The following CHST8 variants were observed in gnomAD, a reference collection of about 807,000 sequenced individuals.
CHST8 encodes the protein GALNAC-4-ST1.
Under a neutral mutation model 15.0 loss-of-function variants are expected in CHST8, and 10 were observed. The ratio of observed to expected loss-of-function variants is 0.67; its 90% CI spans 0.41 to 1.13. The LOEUF (loss-of-function observed/expected upper bound fraction) is 1.13, where lower values mean the gene tolerates loss of function less well. Ranked by LOEUF, CHST8 falls within the 50% of genes most tolerant of loss-of-function variation. The probability of loss-of-function intolerance (pLI) is 0.00; values close to 1 mark genes in which losing one functional copy is unlikely to be tolerated. For synonymous variants in CHST8, 259 were observed against 256.6 expected (o/e 1.01, Z -0.09); for missense variants, 634 against 608.2 (o/e 1.04, Z -0.45).
chr19:33,657,537 G>A (rs957569408), intron 1 of CHST8, among the ~76,000 whole-genome samples: 7 of 151,284 alleles, frequency 4.6e-5, no homozygotes, highest in African/African-American at 1.7e-4. Flanking sequence ...CTCCCAAAAT[G>A]TTGGGATTAC....
intron 2 of CHST8, among the ~76,000 whole-genome samples, chr19:33,682,961 G>A (rs1178192881): frequency 6.6e-6 from 1 of 152,210 alleles, no homozygotes; most frequent in Non-Finnish European, 1.5e-5. Flanking sequence ...AGGGCTTCAG[G>A]AAGCTCACAA....
intron 1 of CHST8, among the ~76,000 whole-genome samples, chr19:33,627,976 G>A (rs1331889186): frequency 1.3e-5 from 2 of 152,120 alleles, no homozygotes; most frequent in Non-Finnish European, 2.9e-5. Context: ...TCTAGGCTGT[G>A]ATAAGGATAT....
chr19:33,757,380 AAAAAAAG>A (rs1302118418), intron 3 of CHST8, among the ~76,000 whole-genome samples: 1 of 112,672 alleles, frequency 8.9e-6, no homozygotes, highest in East Asian at 2.5e-4. Context: ...ACGCGGTCTC[AAAAAAAG>A]AAGAAAGAAA....
chr19:33,672,343 G>A (rs772408364), intron 2 of CHST8, among the ~76,000 whole-genome samples: 5 of 152,020 alleles, frequency 3.3e-5, no homozygotes, highest in South Asian at 2.1e-4. Flanking sequence ...GATTACAGGC[G>A]CACACCACCA....
At chr19:33,709,904 G>A (rs185109287) in intron 3 of CHST8, among the ~76,000 whole-genome samples, 1 of 152,158 alleles carries the variant, frequency 6.6e-6, no homozygotes, top group African/African-American at 2.4e-5. Flanking sequence ...TAACTCCTAG[G>A]CTCAAGAGAA....
chr19:33,636,470 CTT>C (rs1972204087), intron 1 of CHST8, among the ~76,000 whole-genome samples: 1 of 152,142 alleles, frequency 6.6e-6, no homozygotes, highest in Non-Finnish European at 1.5e-5. Flanking sequence ...GTGCCTGAGT[CTT>C]TGTCTCCAGA....
chr19:33,728,541 G>A (rs757472383), intron 3 of CHST8, among the ~76,000 whole-genome samples: 1 of 152,252 alleles, frequency 6.6e-6, no homozygotes, highest in Non-Finnish European at 1.5e-5. Flanking sequence ...AAGTAACCAT[G>A]CCCTGCAGGC....
At chr19:33,692,684 G>A (rs1973120985) in intron 3 of CHST8, among the ~76,000 whole-genome samples, 1 of 152,126 alleles carries the variant, frequency 6.6e-6, no homozygotes, top group Admixed American at 6.5e-5. Context: ...TGGGTGACAG[G>A]GCCGGACTTT....
chr19:33,676,885 G>GA (rs563989466), intron 2 of CHST8, among the ~76,000 whole-genome samples: 15,151 of 127,164 alleles, frequency 0.12, 1,334 homozygotes, highest in African/African-American at 0.27. Flanking sequence ...TCTTAAAAAA[G>GA]AAAAAAAAAA....
intron 1 of CHST8, among the ~76,000 whole-genome samples, chr19:33,651,201 C>T (rs1157621898): frequency 2.0e-5 from 3 of 152,042 alleles, no homozygotes; most frequent in Non-Finnish European, 2.9e-5. Context: ...AAGATTTTCT[C>T]CTTTCTGTTT....
intron 3 of CHST8, among the ~76,000 whole-genome samples, chr19:33,720,525 G>A (rs557730438): frequency 6.4e-4 from 98 of 152,192 alleles, no homozygotes; most frequent in African/African-American, 2.2e-3. Flanking sequence ...ACACACACAC[G>A]GAATGCATGT....
intron 1 of CHST8, among the ~76,000 whole-genome samples, chr19:33,652,536 C>T (rs562980345): frequency 1.2e-4 from 18 of 151,924 alleles, no homozygotes; most frequent in South Asian, 1.0e-3. Context: ...GCAACACGCC[C>T]GGCTAATTCT....
chr19:33,725,008 G>A (rs1331857722), intron 3 of CHST8, among the ~76,000 whole-genome samples: 1 of 152,148 alleles, frequency 6.6e-6, no homozygotes, highest in East Asian at 1.9e-4. Context: ...GGGAGCCATC[G>A]GCAGCGCACA....
chr19:33,709,195 G>A (rs76510296), intron 3 of CHST8, among the ~76,000 whole-genome samples: 6,106 of 152,176 alleles, frequency 0.04, 168 homozygotes, highest in East Asian at 0.1. Flanking sequence ...TTTCCAGCTC[G>A]AATGCCTTTT....
At chr19:33,624,833 G>C (rs1972030867) in intron 1 of CHST8, among the ~76,000 whole-genome samples, 1 of 152,230 alleles carries the variant, frequency 6.6e-6, no homozygotes, top group Non-Finnish European at 1.5e-5. Context: ...TTTTTAGTGA[G>C]TGCGGCTGTG....
At chr19:33,632,747 T>TTGTGTG (rs10589446) in intron 1 of CHST8, among the ~76,000 whole-genome samples, 5 of 149,712 alleles carry the variant, frequency 3.3e-5, no homozygotes, top group Non-Finnish European at 5.9e-5. Context: ...TTGGTTTTCC[T>TTGTGTG]TGTGTGTGTG....
intron 3 of CHST8, among the ~76,000 whole-genome samples, chr19:33,769,461 G>C (rs1201429740): frequency 1.3e-5 from 2 of 152,154 alleles, no homozygotes; most frequent in Non-Finnish European, 2.9e-5. Context: ...AAATAATTAA[G>C]GAAATCTGGC....
intron 1 of CHST8, among the ~76,000 whole-genome samples, chr19:33,623,155 T>G (rs1431863104): frequency 2.0e-5 from 3 of 151,874 alleles, no homozygotes; most frequent in African/African-American, 7.3e-5. Flanking sequence ...CGCCCTAACT[T>G]TCGCGTACAT....
At chr19:33,768,968 C>T (rs2145393097) in intron 3 of CHST8, among the ~76,000 whole-genome samples, 1 of 152,358 alleles carries the variant, frequency 6.6e-6, no homozygotes, top group East Asian at 1.9e-4. Context: ...AACAGGAAAT[C>T]AGGAGACTCG....
Sources: allele counts gnomAD v4.1 joint callset (sites outside exome capture counted in the v4.1 genomes callset), GRCh38; gene constraint gnomAD v4.1.1; transcripts MANE v1.5; gene names NCBI Gene and HGNC (gene_info 2026-07-23, HGNC 2026-07-21).